Variants in ZNF223 observed in about 807,000 individuals in gnomAD.
The protein encoded by ZNF223 is zinc finger protein 223, also known as Homo sapiens zinc finger protein 223.
ZNF223 carries 9 observed loss-of-function variants against 12.3 expected under a neutral mutation model. That is an observed-to-expected ratio of 0.73 (90% CI 0.44 to 1.28). The LOEUF is 1.28. ZNF223 is among the 50% of genes most tolerant of loss of function. The probability of loss-of-function intolerance (pLI) is 0.00; values close to 1 mark genes in which losing one functional copy is unlikely to be tolerated. For missense variants in ZNF223, 506 were observed against 579.0 expected (o/e 0.87, Z 1.29); for synonymous variants, 171 against 195.2 (o/e 0.88, Z 1.03).
At position 44,066,276 on chromosome 19, in the gene ZNF223, T is replaced by A. The variant is rs144337387; in HGVS notation, c.448T>A (p.Cys150Ser). The stretch of plus-strand genomic sequence containing the variant: ...GCACACAGGACAGAAACCTTCCAAT[T>A]GTGGGAAGTGTAAACAATCCTTCAG... ...IMHTGQKPSNCGKCKQSFSDM... is the reference protein window; with the variant it reads ...IMHTGQKPSNSGKCKQSFSDM... The change falls in exon 5 of 5, where the codon TGT becomes AGT. Residue 150 changes from cysteine (C) to serine (S), a missense_variant. By Grantham distance (112) the Cys-to-Ser change is moderately radical. Transcript: ENST00000434772. 19 of 1,614,108 alleles carry A rather than the reference T, an allele frequency of 1.2e-5. No homozygotes were observed. Among genetic ancestry groups the A allele is most frequent in the Non-Finnish European group, 1.4e-5 (17 of 1,180,044 alleles).
At position 44,066,916 on chromosome 19, in the gene ZNF223, A is replaced by G; in HGVS notation, c.1088A>G (p.Gln363Arg). The G allele has an allele frequency of 6.2e-7, 1 of 1,614,218 alleles. No individual in the cohort carries two copies. Among genetic ancestry groups the G allele is most frequent in the Non-Finnish European group, 8.5e-7 (1 of 1,180,030 alleles). The change falls in exon 5 of 5, where the codon CAG becomes CGG. Residue 363 changes from glutamine (Q) to arginine (R), a missense_variant. Coordinates refer to ENST00000434772, the MANE Select transcript of ZNF223 (RefSeq NM_013361.6). ...CGGTCCTCCTATCTTTTGATCCATC[A>G]GCGAGTCCACACTGGAGAAAAGCCA... is the stretch of plus-strand genomic sequence containing the variant. ...FRRSSYLLIHQRVHTGEKPYK... is the reference protein window; with the variant it reads ...FRRSSYLLIHRRVHTGEKPYK...
chr19:44,060,772 A>G lies in ZNF223; in HGVS notation c.166A>G (p.Thr56Ala). Residue 56 changes from threonine (T) to alanine (A), a missense_variant, in exon 4 of 5, where the codon ACT becomes GCT. Physicochemically the swap from Thr to Ala is moderately conservative, Grantham distance 58. Coordinates refer to ENST00000434772, the MANE Select transcript of ZNF223 (RefSeq NM_013361.6). Reference protein sequence around the residue: ...SVGHQPFHRDTFHFLREEKFW... With the variant: ...SVGHQPFHRDAFHFLREEKFW... Reference sequence around the variant, plus strand: ...AGGGCATCAACCATTCCACCGAGATACTTTCCACTTTCTAAGGGAGGAAAA... The same window carrying G: ...AGGGCATCAACCATTCCACCGAGATGCTTTCCACTTTCTAAGGGAGGAAAA... 1 of 1,614,172 alleles carries G rather than the reference A, an allele frequency of 6.2e-7. No individual in the cohort carries two copies. Among genetic ancestry groups the G allele is most frequent in the Non-Finnish European group, 8.5e-7 (1 of 1,180,024 alleles).
Position 44,067,176 on chromosome 19 carries a change from C to A in ZNF223, c.1348C>A (p.His450Asn). 1.9e-6 allele frequency: 3 copies of A among 1,612,494 alleles called. No homozygotes were observed. The highest frequency in any genetic ancestry group is 2.5e-6 in the Non-Finnish European group (3 of 1,179,666). The change falls in exon 5 of 5, where the codon CAC becomes AAC. Residue 450 changes from histidine (H) to asparagine (N), a missense_variant. Transcript: ENST00000434772. ...ATACCGTAAAGACCAACAAAAAAAC[C>A]ACAGTGGAGAAAATCCATCCAAATG... is the stretch of plus-strand genomic sequence containing the variant. ...RSYRKDQQKN[H>N]SGENPSKCED...
chr19:44,067,476 G>C lies in ZNF223; in HGVS notation c.*199G>C. The C allele has an allele frequency of 1.4e-6, 1 of 717,444 alleles. No homozygotes were observed. Among genetic ancestry groups the C allele is most frequent in the Non-Finnish European group, 2.4e-6 (1 of 418,282 alleles). 44.4% of individuals were successfully genotyped at this position (717,444 alleles called of 1,614,324 possible). A position where few individuals can be genotyped will look rare whatever the true frequency, so the allele number is the denominator to read the frequency against. On this transcript the variant is annotated 3_prime_UTR_variant, in exon 5 of 5. Coordinates refer to ENST00000434772, the MANE Select transcript of ZNF223 (RefSeq NM_013361.6). ...TCACCTTTAGTGCTGCAGAACAGCA[G>C]AACTTCTTCCTCTTATCTACCTGTA...
intron 1 of ZNF223, among the ~76,000 whole-genome samples, chr19:44,054,797 G>C (rs767232036): frequency 6.6e-6 from 1 of 152,130 alleles, no homozygotes; most frequent in Admixed American, 6.5e-5. Flanking sequence ...AAATGGAATC[G>C]TAGGGTCTGT....
chr19:44,053,442 T>C (rs1976726564), intron 1 of ZNF223, among the ~76,000 whole-genome samples: 4 of 152,320 alleles, frequency 2.6e-5, no homozygotes, highest in Middle Eastern at 3.4e-3. Context: ...ATAGGCCAGA[T>C]TTATGTGTGA....
Position 44,066,761 on chromosome 19 carries a change from A to G in ZNF223, c.933A>G (p.Thr311=). The change falls in exon 5 of 5, where the codon ACA becomes ACG. Residue 311 remains threonine (T), a synonymous_variant. Coordinates refer to ENST00000434772, the MANE Select transcript of ZNF223 (RefSeq NM_013361.6). The part of the protein sequence containing the change: ...SSLNRHCVVH[T]GKKPNSTGEY... ...TTAATAGGCATTGTGTGGTCCACAC[A>G]GGAAAGAAACCAAACAGCACTGGGG... 2 of 1,614,248 alleles carry G rather than the reference A, an allele frequency of 1.2e-6. No individual in the cohort carries two copies. Among genetic ancestry groups the G allele is most frequent in the South Asian group, 1.1e-5 (1 of 91,092 alleles).
Position 44,066,169 on chromosome 19 carries a change from C to T in ZNF223, c.341C>T (p.Pro114Leu). 1 of 1,614,142 alleles carries T rather than the reference C, an allele frequency of 6.2e-7. No individual in the cohort carries two copies. Among genetic ancestry groups the T allele is most frequent in the South Asian group, 1.1e-5 (1 of 91,080 alleles). Residue 114 changes from proline to leucine, a missense_variant, in exon 5 of 5, where the codon CCT becomes CTT. Coordinates refer to ENST00000434772, the MANE Select transcript of ZNF223 (RefSeq NM_013361.6). ...WEEIASDLTR[P>L]QDSTIKSSQF... ...GAAATTGCAAGTGATTTAACCAGGC[C>T]TCAAGACTCTACCATAAAGAGCTCT...
rs183756697 is a variant in ZNF223, at chr19:44,053,571, C to T, written c.-69+1376C>T. Among the ~76,000 whole-genome samples, 13 of 152,296 alleles carry T rather than the reference C, an allele frequency of 8.5e-5. No individual in the cohort carries two copies. In the East Asian group the frequency reaches 2.3e-3, roughly 27 times the overall value. On this transcript the variant is annotated intron_variant, in intron 1 of 4. Transcript: ENST00000434772. ...TAGAATGTACGATTGGGTTTTATAC[C>T]GAGACATTCCATTCCCAGGGATGAG...
At chr19:44,063,177 A>G (rs965490378) in intron 4 of ZNF223, 4 of 152,172 alleles carry the variant, frequency 2.6e-5, no homozygotes, top group Non-Finnish European at 5.9e-5. Flanking sequence ...CCATGTACCT[A>G]TTAGACAGGA....
At chr19:44,053,232 C>T (rs1408379850) in intron 1 of ZNF223, among the ~76,000 whole-genome samples, 1 of 152,088 alleles carries the variant, frequency 6.6e-6, no homozygotes, top group Admixed American at 6.5e-5. Context: ...AGGGGACCGG[C>T]GCTCAGCAAA....
intron 4 of ZNF223, 93 bp downstream of exon 4, chr19:44,060,934 A>C: frequency 1.6e-6 from 2 of 1,244,962 alleles, no homozygotes; most frequent in Admixed American, 3.9e-5. Flanking sequence ...CTAAATGGCC[A>C]AACATCTTTG....
chr19:44,057,438 G>T (rs1200033665), intron 2 of ZNF223, among the ~76,000 whole-genome samples: 1 of 152,094 alleles, frequency 6.6e-6, no homozygotes, highest in Non-Finnish European at 1.5e-5. Flanking sequence ...ATTTAGTGTA[G>T]CTAAAAATAG....
intron 4 of ZNF223, 81 bp from the exon 5 acceptor site, chr19:44,065,983 T>C (rs929083324): frequency 4.0e-6 from 6 of 1,507,220 alleles, no homozygotes; most frequent in African/African-American, 2.8e-5. Context: ...TGAAGTTTCA[T>C]ACCATGTCCT....
intron 1 of ZNF223, among the ~76,000 whole-genome samples, chr19:44,053,795 T>C (rs8101607): frequency 0.031 from 4,791 of 152,298 alleles, 242 homozygotes; most frequent in African/African-American, 0.11. Context: ...GAGGTCCCTG[T>C]GGCCTTCCGC....
At chr19:44,062,344 A>G (rs1183602439) in intron 4 of ZNF223, among the ~76,000 whole-genome samples, 1 of 152,200 alleles carries the variant, frequency 6.6e-6, no homozygotes, top group Non-Finnish European at 1.5e-5. Flanking sequence ...TTATAATACC[A>G]AATGCAATGC....
intron 2 of ZNF223, among the ~76,000 whole-genome samples, chr19:44,057,497 A>G (rs1043559544): frequency 7.2e-5 from 11 of 152,232 alleles, no homozygotes; most frequent in African/African-American, 2.7e-4. Context: ...GATAATGGTA[A>G]TAACAGTAAT....
chr19:44,065,426 T>C (rs1332831718), intron 4 of ZNF223, among the ~76,000 whole-genome samples: 2 of 152,192 alleles, frequency 1.3e-5, no homozygotes, highest in Non-Finnish European at 2.9e-5. Flanking sequence ...CATAATAGTT[T>C]AGTAATTTAT....
At chr19:44,065,898 A>G (rs1421295650) in intron 4 of ZNF223, among the ~76,000 whole-genome samples, 166 bp from the exon 5 acceptor site, 1 of 152,190 alleles carries the variant, frequency 6.6e-6, no homozygotes. Flanking sequence ...CCCCAGTGAC[A>G]TGGTATGGTT....
Sources: allele counts gnomAD v4.1 joint callset (sites outside exome capture counted in the v4.1 genomes callset), GRCh38; gene constraint gnomAD v4.1.1; transcripts MANE v1.5; gene names NCBI Gene and HGNC (gene_info 2026-07-23, HGNC 2026-07-21).